The following VCPIP1 variants were observed in gnomAD, a reference collection of about 807,000 sequenced individuals.
The protein encoded by VCPIP1 is deubiquitinating protein VCPIP1.
A neutral mutation model predicts 85.0 loss-of-function variants in VCPIP1; 8 were observed. The ratio of observed to expected loss-of-function variants is 0.09; its 90% CI spans 0.06 to 0.17. VCPIP1 has a LOEUF of 0.17. VCPIP1 is among the 10% of genes least tolerant of loss of function. VCPIP1 has a pLI of 1.00. For missense variants in VCPIP1, 1,070 were observed against 1,486.3 expected, an observed-to-expected ratio of 0.72 and a Z score of 4.61; for synonymous variants, 543 against 544.5, an observed-to-expected ratio of 1.00 and a Z score of 0.04.
At position 66,634,087 on chromosome 8, in the gene VCPIP1, C is replaced by T. The variant is rs1810860431; in HGVS notation, c.*414G>A. 1 of 155,736 alleles carries T rather than the reference C, an allele frequency of 6.4e-6. No homozygotes were observed. Among genetic ancestry groups the T allele is most frequent in the African/African-American group, 2.4e-5 (1 of 41,592 alleles). 9.6% of individuals were successfully genotyped at this position (155,736 alleles called of 1,614,324 possible). Reference sequence around the variant, plus strand: ...TCAAGTTTACATAAACCTTTTGACACTAGTATATGAGATGGTTACCTTGAT... The same window carrying T: ...TCAAGTTTACATAAACCTTTTGACATTAGTATATGAGATGGTTACCTTGAT... On this transcript the variant is annotated 3_prime_UTR_variant, in exon 3 of 3. Coordinates refer to ENST00000310421, the MANE Select transcript of VCPIP1 (RefSeq NM_025054.5).
intron 1 of VCPIP1, among the ~76,000 whole-genome samples, chr8:66,654,118 G>A (rs113107316): frequency 0.032 from 4,865 of 152,334 alleles, 113 homozygotes; most frequent in South Asian, 0.051. Flanking sequence ...GTAAGTGGGA[G>A]AGCCAGGATT....
At chr8:66,644,368 T>G (rs954082401) in intron 2 of VCPIP1, among the ~76,000 whole-genome samples, 2 of 152,162 alleles carry the variant, frequency 1.3e-5, no homozygotes, top group African/African-American at 4.8e-5. Flanking sequence ...GCAAGTAAAG[T>G]TCGTTCAACA....
Position 66,665,962 on chromosome 8 carries a change from T to C in VCPIP1, c.997A>G (p.Thr333Ala). ...LPGLIPAEKC[T>A]GKDGHLNKPI... ...TTGTTCAAATGACCATCTTTCCCAG[T>C]GCACTTCTCTGCAGGGATGAGCCCA... The change falls in exon 1 of 3, where the codon ACT becomes GCT. Residue 333 changes from threonine (T) to alanine (A), a missense_variant. This residue lies in a region of VCPIP1 where 118 missense variants were observed against 337.1 expected (regional missense o/e 0.35). Transcript: ENST00000310421. This position sits in a 1 kb window ranked among gnomAD's most constrained non-coding sequence, Gnocchi z 4.3. The C allele has an allele frequency of 6.2e-7, 1 of 1,614,178 alleles. No individual in the cohort carries two copies. Among genetic ancestry groups the C allele is most frequent in the African/African-American group, 1.3e-5 (1 of 75,020 alleles).
At chr8:66,649,168 T>C (rs1811027994) in intron 2 of VCPIP1, among the ~76,000 whole-genome samples, 1 of 151,748 alleles carries the variant, frequency 6.6e-6, no homozygotes, top group Admixed American at 6.6e-5. Context: ...AGACTCTGTC[T>C]CAAAACTAGT....
In VCPIP1 at chr8:66,665,067, G is replaced by C; in HGVS notation, c.1892C>G (p.Thr631Ser). 1 of 1,613,998 alleles carries C rather than the reference G, an allele frequency of 6.2e-7. No homozygotes were observed. The highest frequency in any genetic ancestry group is 8.5e-7 in the Non-Finnish European group (1 of 1,179,942). The change falls in exon 1 of 3, where the codon ACC (threonine) becomes AGC (serine). Residue 631 changes from threonine to serine, a missense_variant. Transcript: ENST00000310421. The surrounding 1 kb of genome is among the most constrained non-coding windows in gnomAD (Gnocchi z 4.3). The part of the protein sequence containing the change: ...NVYDVAMKLV[T>S]KHFPGEFGSE... Reference sequence around the variant, plus strand: ...CCCAAATTCACCTGGAAAGTGCTTGGTAACAAGTTTCATTGCAACATCGTA... The same window carrying C: ...CCCAAATTCACCTGGAAAGTGCTTGCTAACAAGTTTCATTGCAACATCGTA...
chr8:66,653,229 T>C (rs1811070397), intron 1 of VCPIP1, among the ~76,000 whole-genome samples: 1 of 152,184 alleles, frequency 6.6e-6, no homozygotes, highest in Admixed American at 6.5e-5. Flanking sequence ...TTAATATTAA[T>C]AAGAGTCCAC....
intron 1 of VCPIP1, among the ~76,000 whole-genome samples, chr8:66,655,887 A>T (rs994483834): frequency 6.6e-6 from 1 of 152,092 alleles, no homozygotes; most frequent in African/African-American, 2.4e-5. Context: ...TACTGTGTAT[A>T]TATAAATGTA....
chr8:66,640,981 G>C (rs1810941769), intron 2 of VCPIP1, among the ~76,000 whole-genome samples: 2 of 152,242 alleles, frequency 1.3e-5, no homozygotes, highest in Admixed American at 6.5e-5. Flanking sequence ...GCTATTTGTG[G>C]AGGGGAAAGA....
At chr8:66,647,975 A>G (rs1586625387) in intron 2 of VCPIP1, among the ~76,000 whole-genome samples, 1 of 151,556 alleles carries the variant, frequency 6.6e-6, no homozygotes, top group Non-Finnish European at 1.5e-5. Context: ...TATATTTTTT[A>G]TATTTTTAGT....
At chr8:66,661,513 T>C (rs772620708) in intron 1 of VCPIP1, among the ~76,000 whole-genome samples, 23 of 151,696 alleles carry the variant, frequency 1.5e-4, no homozygotes, top group Non-Finnish European at 2.8e-4. Flanking sequence ...AGGCGGGCGG[T>C]TCATGAGATC....
chr8:66,635,486 G>T, intron 2 of VCPIP1, 114 bp from the exon 3 acceptor site: 3 of 1,116,834 alleles, frequency 2.7e-6, no homozygotes, highest in Non-Finnish European at 3.7e-6. Flanking sequence ...ACAGATAACA[G>T]CTTTCAAAAC....
chr8:66,643,641 T>A (rs995201384), intron 2 of VCPIP1, among the ~76,000 whole-genome samples: 3 of 151,872 alleles, frequency 2.0e-5, no homozygotes, highest in African/African-American at 7.3e-5. Flanking sequence ...AGGCGGAGGT[T>A]GCAGTAAGCC....
chr8:66,637,185 AC>A (rs1810895806), intron 2 of VCPIP1, among the ~76,000 whole-genome samples: 1 of 151,708 alleles, frequency 6.6e-6, no homozygotes, highest in South Asian at 2.1e-4. Flanking sequence ...CCTGGTCTCT[AC>A]AAAAAAAACA....
intron 1 of VCPIP1, among the ~76,000 whole-genome samples, chr8:66,663,667 T>C (rs972537142): frequency 1.3e-5 from 2 of 152,228 alleles, no homozygotes; most frequent in Admixed American, 6.5e-5. Flanking sequence ...TTCATTATAA[T>C]TGATGGCAAA....
At position 66,635,329 on chromosome 8, in the gene VCPIP1, G is replaced by C. The variant is rs973428223; in HGVS notation, c.2841C>G (p.Gly947=). ...CAGAAGCATTATAGACAAAGGTTTTGCCAGGCAGATGTGGAAAAGTACAAT... is the reference window on the plus strand; with the variant it reads ...CAGAAGCATTATAGACAAAGGTTTTCCCAGGCAGATGTGGAAAAGTACAAT... ...GKHCTFPHLP[G]KTFVYNASED... is the part of the protein sequence containing the mutation. The change falls in exon 3 of 3, where the codon GGC becomes GGG. Residue 947 remains glycine (G), a synonymous_variant. Coordinates refer to ENST00000310421, the MANE Select transcript of VCPIP1 (RefSeq NM_025054.5). 2 of 1,613,880 alleles carry C rather than the reference G, an allele frequency of 1.2e-6. No homozygotes were observed. Among genetic ancestry groups the C allele is most frequent in the South Asian group, 1.1e-5 (1 of 91,048 alleles).
At position 66,635,198 on chromosome 8, in the gene VCPIP1, G is replaced by C; in HGVS notation, c.2972C>G (p.Thr991Ser). The C allele has an allele frequency of 6.2e-7, 1 of 1,614,150 alleles. No homozygotes were observed. Among genetic ancestry groups the C allele is most frequent in the South Asian group, 1.1e-5 (1 of 91,090 alleles). The part of the protein sequence containing the change: ...EAVSQVRAEA[T>S]TRSRESSPSH... ...GGGACTTGATTCCCTACTTCTTGTA[G>C]TAGCCTCTGCTCGAACCTGACTTAC... The change falls in exon 3 of 3, where the codon ACT (threonine) becomes AGT (serine). Residue 991 changes from threonine to serine, a missense_variant. Thr to Ser is a moderately conservative substitution (Grantham distance 58). Around this residue, in one of 8 missense-constraint regions of VCPIP1, gnomAD observed 255 missense variants for 289.5 expected, o/e 0.88. Coordinates refer to ENST00000310421, the MANE Select transcript of VCPIP1 (RefSeq NM_025054.5).
In VCPIP1 at chr8:66,647,074, G is replaced by A. The variant is rs1375729460; in HGVS notation, c.2797+4384C>T. 2.0e-5 allele frequency among the ~76,000 whole-genome samples: 3 copies of A among 151,928 alleles called. No individual in the cohort carries two copies. In the East Asian group the frequency reaches 5.8e-4, roughly 30 times the overall value. On this transcript the variant is annotated intron_variant, in intron 2 of 2. Transcript: ENST00000310421. ...AATAAATAAATAGGCCAGGCATGGT[G>A]GCTCACGCCTGTAATTCCAGCACTT...
chr8:66,647,143 C>A (rs1280744394), intron 2 of VCPIP1, among the ~76,000 whole-genome samples: 1 of 152,108 alleles, frequency 6.6e-6, no homozygotes, highest in East Asian at 1.9e-4. Flanking sequence ...GAGTTCAAGA[C>A]CAGCCTAGCC....
Position 66,655,823 on chromosome 8 carries a change from T to G in VCPIP1, c.2711-4279A>C, listed in dbSNP as rs115240746. ...TTGTTAGTCTCCAATTATTTTTACT[T>G]TATAATTCAACTGTTTCTTCATACT... On this transcript the variant is annotated intron_variant, in intron 1 of 2. Coordinates refer to ENST00000310421, the MANE Select transcript of VCPIP1 (RefSeq NM_025054.5). 7.0e-3 allele frequency among the ~76,000 whole-genome samples: 1,063 copies of G among 152,300 alleles called. 15 individuals carry two copies. Among genetic ancestry groups the G allele is most frequent in the African/African-American group, 0.025 (1,020 of 41,582 alleles).
Sources: allele counts gnomAD v4.1 joint callset (sites outside exome capture counted in the v4.1 genomes callset), GRCh38; gene constraint gnomAD v4.1.1; regional missense constraint gnomAD v4.1.1; non-coding constraint Gnocchi (gnomAD v3.1); transcripts MANE v1.5; gene names NCBI Gene and HGNC (gene_info 2026-07-23, HGNC 2026-07-21).